The following HIKESHI variants were observed in gnomAD, a reference collection of about 807,000 sequenced individuals.
HIKESHI encodes protein Hikeshi.
In HIKESHI, 13 loss-of-function variants were observed where a neutral mutation model predicts 25.7. The observed-to-expected ratio is 0.51, with a 90% CI of 0.33 to 0.80. The LOEUF (loss-of-function observed/expected upper bound fraction) is 0.80. HIKESHI is among the 30% of genes least tolerant of loss of function. HIKESHI has a pLI of 0.02. For missense variants in HIKESHI, 174 were observed against 229.5 expected (o/e 0.76, Z 1.56); for synonymous variants, 76 against 78.7 (o/e 0.97, Z 0.18).
At chr11:86,332,037 G>T (rs1231719085) in intron 2 of HIKESHI, among the ~76,000 whole-genome samples, 3 of 148,186 alleles carry the variant, frequency 2.0e-5, no homozygotes, top group African/African-American at 7.5e-5. Context: ...CTGGAGTGCA[G>T]TGGCACTCCG....
intron 2 of HIKESHI, among the ~76,000 whole-genome samples, chr11:86,319,240 A>ATT (rs1273706275): frequency 0.011 from 1,049 of 92,854 alleles, 14 homozygotes; most frequent in African/African-American, 0.019. Context: ...ATATATATAT[A>ATT]TATTTTTTTT....
intron 2 of HIKESHI, among the ~76,000 whole-genome samples, chr11:86,329,518 G>A (rs1487319694): frequency 2.0e-5 from 3 of 150,980 alleles, no homozygotes; most frequent in South Asian, 2.1e-4. Flanking sequence ...TACAGATGTC[G>A]TGTCTATGAA....
chr11:86,318,227 C>T (rs552327986), intron 2 of HIKESHI, among the ~76,000 whole-genome samples: 210 of 139,554 alleles, frequency 1.5e-3, no homozygotes, highest in Admixed American at 1.8e-3. Context: ...TGGCGTGAAC[C>T]CGGGAGACGG....
intron 3 of HIKESHI, chr11:86,344,317 T>G: frequency 3.7e-6 from 1 of 271,144 alleles, no homozygotes. Flanking sequence ...ACTCTTAACA[T>G]TCTTTTTTAT....
intron 2 of HIKESHI, among the ~76,000 whole-genome samples, chr11:86,321,882 T>G (rs1385240809): frequency 6.6e-6 from 1 of 152,228 alleles, no homozygotes; most frequent in African/African-American, 2.4e-5. Context: ...TTTCATGTTC[T>G]GATCAACACT....
At chr11:86,338,586 A>G (rs1022997241) in intron 3 of HIKESHI, among the ~76,000 whole-genome samples, 4 of 152,246 alleles carry the variant, frequency 2.6e-5, no homozygotes, top group Admixed American at 2.0e-4. Flanking sequence ...GTCTTCTAGC[A>G]GAGGAGGAGT....
chr11:86,309,414 CTGTTTG>C (rs1946773498), intron 2 of HIKESHI, among the ~76,000 whole-genome samples: 2 of 151,798 alleles, frequency 1.3e-5, no homozygotes, highest in Non-Finnish European at 2.9e-5. Context: ...TTTGATGGGG[CTGTTTG>C]ATTTTTTTCT....
chr11:86,313,296 T>C (rs1946883294), intron 2 of HIKESHI, among the ~76,000 whole-genome samples: 1 of 152,202 alleles, frequency 6.6e-6, no homozygotes. Context: ...ATTGGCACAA[T>C]CTTTGCTCAC....
chr11:86,319,242 A>ATATATATATT (rs1383589741), intron 2 of HIKESHI, among the ~76,000 whole-genome samples: 7 of 94,952 alleles, frequency 7.4e-5, no homozygotes, highest in African/African-American at 1.9e-4. Flanking sequence ...ATATATATAT[A>ATATATATATT]TTTTTTTTTT....
rs574690173 is a variant in HIKESHI at position 86,312,277 on chromosome 11, G to A, written c.268+5795G>A. On this transcript the variant is annotated intron_variant, in intron 2 of 4. Coordinates refer to ENST00000278483, the MANE Select transcript of HIKESHI (RefSeq NM_016401.4). ...GGTGCATATATATTTAGGATAGTTA[G>A]CTCTTCTTGTTGTATTGATCCCTTT... Among the ~76,000 whole-genome samples, 6 of 152,228 alleles carry A rather than the reference G, an allele frequency of 3.9e-5. No homozygotes were observed. The South Asian group carries it at 1.2e-3, about 32-fold the overall frequency.
intron 2 of HIKESHI, among the ~76,000 whole-genome samples, chr11:86,317,371 T>C (rs1204701757): frequency 3.3e-5 from 5 of 151,652 alleles, no homozygotes; most frequent in Non-Finnish European, 7.4e-5. Context: ...ATCTAAGTAT[T>C]TAACATAAGT....
At chr11:86,303,426 G>A (rs1373200277) in intron 1 of HIKESHI, 2 of 983,414 alleles carry the variant, frequency 2.0e-6, no homozygotes, top group Non-Finnish European at 2.4e-6. Flanking sequence ...ATGACTGGGA[G>A]ACCCCTGTGG....
At chr11:86,332,080 C>T (rs1446619375) in intron 2 of HIKESHI, among the ~76,000 whole-genome samples, 2 of 151,560 alleles carry the variant, frequency 1.3e-5, no homozygotes, top group Admixed American at 6.6e-5. Context: ...CCTGCCTCAG[C>T]CTCCCGAGTA....
intron 2 of HIKESHI, among the ~76,000 whole-genome samples, chr11:86,323,103 C>T (rs1947190906): frequency 6.6e-6 from 1 of 151,982 alleles, no homozygotes; most frequent in Non-Finnish European, 1.5e-5. Flanking sequence ...TGGCTCATGC[C>T]TCTGGTCCCA....
At chr11:86,345,165 A>C (rs1160227741) in intron 4 of HIKESHI, 2 of 1,037,466 alleles carry the variant, frequency 1.9e-6, no homozygotes, top group Admixed American at 1.1e-4. Context: ...AAGTGGTACC[A>C]TGGTGTAGCA....
chr11:86,319,217 AATATATAT>A (rs139667221), intron 2 of HIKESHI, among the ~76,000 whole-genome samples: 5 of 115,048 alleles, frequency 4.3e-5, no homozygotes, highest in South Asian at 2.9e-4. Context: ...CTGGCTTAAA[AATATATAT>A]ATATATATAT....
chr11:86,342,522 T>TGTGTGTGTGTGTGTGG (rs1947760601), intron 3 of HIKESHI, among the ~76,000 whole-genome samples: 1 of 139,168 alleles, frequency 7.2e-6, no homozygotes, highest in East Asian at 2.2e-4. Context: ...TGTGTGTGTG[T>TGTGTGTGTGTGTGTGG]AGACTGGGGG....
At chr11:86,307,882 G>A (rs2138293718) in intron 2 of HIKESHI, among the ~76,000 whole-genome samples, 1 of 122,440 alleles carries the variant, frequency 8.2e-6, no homozygotes, top group South Asian at 2.4e-4. Flanking sequence ...TATATATTAT[G>A]TGTAATATAC....
At chr11:86,302,911 A>G (rs1946533308) in intron 1 of HIKESHI, among the ~76,000 whole-genome samples, 1 of 152,182 alleles carries the variant, frequency 6.6e-6, no homozygotes, top group Non-Finnish European at 1.5e-5. Context: ...TTGGGATTGA[A>G]TTTGGTCTAT....
Sources: gnomAD v4.1 joint callset for allele counts (sites outside exome capture counted in the v4.1 genomes callset) on GRCh38, gnomAD v4.1.1 for gene constraint, MANE v1.5 for transcripts, NCBI Gene and HGNC (gene_info 2026-07-23, HGNC 2026-07-21) for gene names.